Variants in CCL4 observed in about 807,000 individuals in gnomAD.
CCL4 encodes the protein C-C motif chemokine 4.
CCL4 carries 8 observed loss-of-function variants against 10.3 expected under a neutral mutation model. That is an observed-to-expected ratio of 0.77 (90% confidence interval 0.45 to 1.39). CCL4 has a LOEUF of 1.39. CCL4 is among the 40% of genes most tolerant of loss of function. The pLI, the probability that CCL4 is intolerant of heterozygous loss-of-function variation, is 0.00. For synonymous variants in CCL4, 35 were observed against 44.3 expected (o/e 0.79, Z 0.83); for missense variants, 106 against 111.2 (o/e 0.95, Z 0.21).
chr17:36,104,099 G>A lies in CCL4; in HGVS notation c.76+118G>A, dbSNP rs1268296869. The A allele has an allele frequency of 9.6e-6, 11 of 1,142,776 alleles. No individual in the cohort carries two copies. The East Asian group carries it at 2.3e-4, about 24-fold the overall frequency. The allele number at this position is 1,142,776 out of a possible 1,614,324, so 70.8% of individuals were successfully genotyped here. A position where few individuals can be genotyped will look rare whatever the true frequency, so the allele number is the denominator to read the frequency against. On this transcript the variant is annotated intron_variant, in intron 1 of 2. Transcript: ENST00000615863. ...GGGACAAAAGGCAGCTAGGAAGATT[G>A]CCATGTAGTCTGCTGCTAAATGTAG...
chr17:36,105,199 T>C (rs1268186875), intron 2 of CCL4, 26 bp from the exon 3 acceptor site: 1 of 1,603,684 alleles, frequency 6.2e-7, no homozygotes, highest in Non-Finnish European at 8.5e-7. Flanking sequence ...CATGAGATTC[T>C]AATCTGTCCG....
At position 36,105,454 on chromosome 17, in the gene CCL4, A is replaced by T; in HGVS notation, c.*142A>T. 1.2e-6 allele frequency: 1 copy of T among 851,316 alleles called. No homozygotes were observed. The highest frequency in any genetic ancestry group is 1.9e-6 in the Non-Finnish European group (1 of 515,778). 52.7% of individuals were successfully genotyped at this position (851,316 alleles called of 1,614,324 possible). A position where few individuals can be genotyped will look rare whatever the true frequency, so the allele number is the denominator to read the frequency against. On this transcript the variant is annotated 3_prime_UTR_variant, in exon 3 of 3. Coordinates refer to ENST00000615863, the MANE Select transcript of CCL4 (RefSeq NM_002984.4). ...TTTAATCTTTTTTATGTGCCGTGTT[A>T]TTGTATTAGGTGTCATTTCCATTAT...
chr17:36,105,376 A>G lies in CCL4; in HGVS notation c.*64A>G, dbSNP rs1049815. Reference sequence around the variant, plus strand: ...GAGCCCGGATGCTTCTCCATGAGACACATCTCCTCCATACTCAGGACTCCT... The same window carrying G: ...GAGCCCGGATGCTTCTCCATGAGACGCATCTCCTCCATACTCAGGACTCCT... On this transcript the variant is annotated 3_prime_UTR_variant, in exon 3 of 3. Coordinates refer to ENST00000615863, the MANE Select transcript of CCL4 (RefSeq NM_002984.4). 3.2e-4 allele frequency: 479 copies of G among 1,499,766 alleles called. 3 individuals carry two copies. Among genetic ancestry groups the G allele is most frequent in the Middle Eastern group, 2.1e-3 (12 of 5,844 alleles). 92.9% of individuals were successfully genotyped at this position (1,499,766 alleles called of 1,614,324 possible). A position where few individuals can be genotyped will look rare whatever the true frequency, so the allele number is the denominator to read the frequency against.
intron 2 of CCL4, chr17:36,104,972 G>A (rs1415703809): frequency 1.4e-6 from 1 of 709,844 alleles, no homozygotes; most frequent in Non-Finnish European, 2.6e-6. Context: ...CAGGCTGGCA[G>A]GGAATGGGGA....
chr17:36,103,870 C>T lies in CCL4; in HGVS notation c.-36C>T, dbSNP rs768274643. ...GTTCTGAAGCTTCTGAGTTCTGCAG[C>T]CTCACCTCTGAGAAAACCTCTTTTC... On this transcript the variant is annotated 5_prime_UTR_variant, in exon 1 of 3. Transcript: ENST00000615863. 2.5e-6 allele frequency: 4 copies of T among 1,612,142 alleles called. No homozygotes were observed. In the Admixed American group the frequency reaches 6.7e-5, roughly 27 times the overall value.
chr17:36,105,149 G>A (rs2067150806), intron 2 of CCL4, 76 bp from the exon 3 acceptor site: 1 of 1,451,262 alleles, frequency 6.9e-7, no homozygotes. Context: ...GTCAGGCAGA[G>A]GAAGATGCAA....
At chr17:36,104,239 T>C (rs1046561169) in intron 1 of CCL4, 1 of 706,232 alleles carries the variant, frequency 1.4e-6, no homozygotes, top group Non-Finnish European at 2.6e-6. Flanking sequence ...CCTTTAATTA[T>C]TTGTTCAAGC....
At position 36,104,525 on chromosome 17, in the gene CCL4, C is replaced by T; in HGVS notation, c.77-3C>T. The stretch of plus-strand genomic sequence containing the variant: ...TTGATCTCACCCTGGCCTTTCCTTT[C>T]AGTGGGCTCAGACCCTCCCACCGCC... On this transcript the variant is annotated splice_region_variant and splice_polypyrimidine_tract_variant and intron_variant, in intron 1 of 2. Transcript: ENST00000615863. 1 of 1,610,422 alleles carries T rather than the reference C, an allele frequency of 6.2e-7. No individual in the cohort carries two copies. The highest frequency in any genetic ancestry group is 8.5e-7 in the Non-Finnish European group (1 of 1,179,160).
chr17:36,104,421 G>A lies in CCL4; in HGVS notation c.77-107G>A, dbSNP rs139414561. ...TCATGTTAGGTGGGAATGGATATTT[G>A]GGGTTCTGGTAGCTCCACAGGGATG... is the stretch of plus-strand genomic sequence containing the variant. On this transcript the variant is annotated intron_variant, in intron 1 of 2. Transcript: ENST00000615863. The A allele has an allele frequency of 2.1e-4, 253 of 1,193,346 alleles. 3 individuals are homozygous for A. The East Asian group carries it at 6.2e-3, about 29-fold the overall frequency. 73.9% of individuals were successfully genotyped at this position (1,193,346 alleles called of 1,614,324 possible).
intron 1 of CCL4, chr17:36,104,200 C>T (rs2067141575): frequency 1.4e-5 from 10 of 729,858 alleles, no homozygotes; most frequent in South Asian, 1.3e-4. Context: ...AAACGATGGG[C>T]TGGAAGTCAG....
intron 2 of CCL4, 103 bp downstream of exon 2, chr17:36,104,745 C>T: frequency 1.4e-6 from 2 of 1,432,040 alleles, no homozygotes; most frequent in Non-Finnish European, 9.7e-7. Flanking sequence ...GGGGAGGCAG[C>T]TCCCAGGGCT....
At chr17:36,104,306 G>T in intron 1 of CCL4, 1 of 708,924 alleles carries the variant, frequency 1.4e-6, no homozygotes. Flanking sequence ...AAGGGAGTGC[G>T]ATGTGTTCTG....
rs755299219 is a variant in CCL4 at position 36,104,633 on chromosome 17, C to T, written c.182C>T (p.Pro61Leu). Residue 61 changes from proline (P) to leucine (L), a missense_variant, in exon 2 of 3, where the codon CCA (proline) becomes CTA (leucine). Pro to Leu is a moderately conservative substitution (Grantham distance 98). Transcript: ENST00000615863. Reference sequence around the variant, plus strand: ...GAGACCAGCAGCCTCTGCTCCCAGCCAGCTGTGGTGTGAGTATCAACCCCT... The same window carrying T: ...GAGACCAGCAGCCTCTGCTCCCAGCTAGCTGTGGTGTGAGTATCAACCCCT... The part of the protein sequence containing the change: ...YYETSSLCSQ[P>L]AVVFQTKRSK... The T allele has an allele frequency of 3.7e-6, 6 of 1,613,648 alleles. No homozygotes were observed. Among genetic ancestry groups the T allele is most frequent in the Non-Finnish European group, 4.2e-6 (5 of 1,179,844 alleles).
Position 36,105,341 on chromosome 17 carries a change from A to T in CCL4, c.*29A>T. The stretch of plus-strand genomic sequence containing the variant: ...GCTCAGAGACAGGAAGTCTTCAGGG[A>T]AGGTCACCTGAGCCCGGATGCTTCT... On this transcript the variant is annotated 3_prime_UTR_variant, in exon 3 of 3. Transcript: ENST00000615863. The T allele has an allele frequency of 6.2e-7, 1 of 1,607,788 alleles. No homozygotes were observed. The highest frequency in any genetic ancestry group is 8.5e-7 in the Non-Finnish European group (1 of 1,174,198).
rs1487313226 is a variant in CCL4 at position 36,105,423 on chromosome 17, T to C, written c.*111T>C. ...TCCTCTCCGCAGTTCCTGTCCCTTC[T>C]CTTAATTTAATCTTTTTTATGTGCC... On this transcript the variant is annotated 3_prime_UTR_variant, in exon 3 of 3. Coordinates refer to ENST00000615863, the MANE Select transcript of CCL4 (RefSeq NM_002984.4). The C allele has an allele frequency of 1.9e-6, 2 of 1,070,972 alleles. No individual in the cohort carries two copies. Among genetic ancestry groups the C allele is most frequent in the Non-Finnish European group, 2.9e-6 (2 of 696,560 alleles). 66.3% of individuals were successfully genotyped at this position (1,070,972 alleles called of 1,614,324 possible).
intron 2 of CCL4, chr17:36,104,927 A>G (rs1598827932): frequency 1.4e-6 from 1 of 700,896 alleles, no homozygotes. Context: ...CGATTCCTTA[A>G]ACCGTGCTAG....
At chr17:36,104,930 C>G in intron 2 of CCL4, 1 of 700,970 alleles carries the variant, frequency 1.4e-6, no homozygotes, top group South Asian at 1.5e-5. Flanking sequence ...TTCCTTAAAC[C>G]GTGCTAGAAA....
intron 1 of CCL4, 177 bp from the exon 2 acceptor site, chr17:36,104,351 T>C: frequency 2.6e-6 from 2 of 761,920 alleles, no homozygotes; most frequent in African/African-American, 1.7e-5. Flanking sequence ...TAGATTTCTT[T>C]CTCGTTCTTC....
chr17:36,104,750 AG>A, intron 2 of CCL4, 108 bp downstream of exon 2: 1 of 1,390,216 alleles, frequency 7.2e-7, no homozygotes, highest in Non-Finnish European at 1.0e-6. Flanking sequence ...GGCAGCTCCC[AG>A]GGCTGAAGCC....
Sources: allele counts gnomAD v4.1 joint callset, GRCh38; gene constraint gnomAD v4.1.1; transcripts MANE v1.5; gene names NCBI Gene and HGNC (gene_info 2026-07-23, HGNC 2026-07-21).